SLC38A9: variants seen among roughly 807,000 people sequenced by gnomAD.
The protein encoded by SLC38A9 is neutral amino acid transporter 9.
SLC38A9 carries 48 observed loss-of-function variants against 62.3 expected under a neutral mutation model. The ratio of observed to expected loss-of-function variants is 0.77; its 90% CI spans 0.61 to 0.98. SLC38A9 has a LOEUF of 0.98. SLC38A9 is among the 50% of genes least tolerant of loss of function. The probability of loss-of-function intolerance (pLI) is 0.00; values close to 1 mark genes in which losing one functional copy is unlikely to be tolerated. For synonymous variants in SLC38A9, 204 were observed against 227.7 expected (o/e 0.90, Z 0.94); for missense variants, 541 against 679.8 (o/e 0.80, Z 2.27).
intron 7 of SLC38A9, among the ~76,000 whole-genome samples, chr5:55,668,178 A>G (rs1007537647): frequency 2.9e-5 from 3 of 101,734 alleles, no homozygotes; most frequent in African/African-American, 9.3e-5. Context: ...TCCAAAAAAA[A>G]GGAAAATAAA....
At chr5:55,696,571 G>A (rs1755754135) in intron 3 of SLC38A9, 1 of 62,822 alleles carries the variant, frequency 1.6e-5, no homozygotes, top group Non-Finnish European at 3.9e-5. Flanking sequence ...CCGGGCGGGG[G>A]GCTGACCCCC....
chr5:55,648,089 A>G (rs1301716333), intron 11 of SLC38A9, among the ~76,000 whole-genome samples: 2 of 152,032 alleles, frequency 1.3e-5, no homozygotes, highest in Admixed American at 1.3e-4. Context: ...AAAATACAAA[A>G]TTAGCCGGGC....
chr5:55,670,118 C>T (rs1437163163), intron 4 of SLC38A9, among the ~76,000 whole-genome samples: 2 of 152,114 alleles, frequency 1.3e-5, no homozygotes, highest in Non-Finnish European at 2.9e-5. Flanking sequence ...GTGCCCACCA[C>T]CACGCCTGGC....
At chr5:55,711,293 G>GAAA (rs11404858) in intron 2 of SLC38A9, 159 bp downstream of exon 2, 18 of 145,522 alleles carry the variant, frequency 1.2e-4, no homozygotes, top group Non-Finnish European at 2.2e-4. Context: ...ACTCTTGTCT[G>GAAA]AAAAAAAAAA....
chr5:55,639,066 C>T (rs1744953885), intron 12 of SLC38A9, among the ~76,000 whole-genome samples: 1 of 151,692 alleles, frequency 6.6e-6, no homozygotes, highest in Non-Finnish European at 1.5e-5. Flanking sequence ...GCCTGTAATC[C>T]CAACACTTTG....
chr5:55,669,358 T>C (rs1750930899), intron 6 of SLC38A9, 37 bp from the exon 7 acceptor site: 4 of 1,527,894 alleles, frequency 2.6e-6, no homozygotes. Flanking sequence ...GCATATATCA[T>C]CATGTAAGCA....
chr5:55,705,805 T>C (rs1757222454), intron 2 of SLC38A9, among the ~76,000 whole-genome samples: 1 of 152,004 alleles, frequency 6.6e-6, no homozygotes, highest in Non-Finnish European at 1.5e-5. Context: ...CCTCCCCATT[T>C]CAAGCAATTC....
chr5:55,628,705 T>C (rs1160595842), intron 14 of SLC38A9, among the ~76,000 whole-genome samples: 2 of 152,218 alleles, frequency 1.3e-5, no homozygotes, highest in Admixed American at 1.3e-4. Context: ...TCATACTTCA[T>C]ACTTTGACCA....
In SLC38A9 at chr5:55,660,556, T is replaced by C. The variant is rs941813157; in HGVS notation, c.698-3782A>G. Among the ~76,000 whole-genome samples, 3 of 152,248 alleles carry C rather than the reference T, an allele frequency of 2.0e-5. No individual in the cohort carries two copies. The East Asian group carries it at 5.8e-4, about 29-fold the overall frequency. On this transcript the variant is annotated intron_variant, in intron 8 of 15. Transcript: ENST00000396865. Reference sequence around the variant, plus strand: ...GGAGGTGTATAGATGTATGTATGTATAATTAAGACTTGTTTATTTCAATGA... The same window carrying C: ...GGAGGTGTATAGATGTATGTATGTACAATTAAGACTTGTTTATTTCAATGA...
At chr5:55,677,421 T>C (rs1165702715) in intron 3 of SLC38A9, among the ~76,000 whole-genome samples, 6 of 152,212 alleles carry the variant, frequency 3.9e-5, no homozygotes, top group African/African-American at 1.4e-4. Flanking sequence ...TCTCAAGTAA[T>C]CAGTCCAGAA....
intron 3 of SLC38A9, among the ~76,000 whole-genome samples, chr5:55,687,872 T>C (rs1028715233): frequency 6.6e-6 from 1 of 152,064 alleles, no homozygotes. Flanking sequence ...TAATTTTTTG[T>C]ATTTTTAGTA....
At chr5:55,680,869 G>C (rs1036959648) in intron 3 of SLC38A9, among the ~76,000 whole-genome samples, 2 of 152,230 alleles carry the variant, frequency 1.3e-5, no homozygotes, top group Non-Finnish European at 1.5e-5. Flanking sequence ...AGCCTGATCA[G>C]AATCTATTGC....
intron 12 of SLC38A9, among the ~76,000 whole-genome samples, chr5:55,643,400 T>C (rs911845084): frequency 3.3e-5 from 5 of 152,254 alleles, no homozygotes; most frequent in African/African-American, 7.2e-5. Flanking sequence ...GAACATACTC[T>C]GTATGATTTA....
intron 3 of SLC38A9, among the ~76,000 whole-genome samples, chr5:55,687,467 G>A (rs1460245538): frequency 6.8e-6 from 1 of 146,748 alleles, no homozygotes; most frequent in Non-Finnish European, 1.5e-5. Flanking sequence ...TTCTAGTTCT[G>A]TGAAGAATGT....
Position 55,656,746 on chromosome 5 carries a change from GT to G in SLC38A9, c.725del (p.Asp242AlafsTer4). The stretch of plus-strand genomic sequence containing the variant: ...TGCTATTATTGGTACTCAGTATAGT[GT>G]CTGTGTCATTAATGTGATGAATAAA... ...FNFIHHINDTDTILSTNNSNP... is the reference protein window; with the variant it reads ...FNFIHHINDTXTILSTNNSNP... On this transcript the variant is annotated frameshift_variant, in exon 9 of 16. Transcript: ENST00000396865. LOFTEE classifies it high-confidence loss of function. 1 of 1,591,268 alleles carries G rather than the reference GT, an allele frequency of 6.3e-7. No homozygotes were observed. The highest frequency in any genetic ancestry group is 8.6e-7 in the Non-Finnish European group (1 of 1,164,312).
At chr5:55,702,794 G>A (rs3910966) in intron 2 of SLC38A9, 91,175 of 151,814 alleles carry the variant, frequency 0.6, 27,927 homozygotes, top group South Asian at 0.7. Context: ...CCAAATATGT[G>A]CATTTTCTTT....
chr5:55,663,015 C>T (rs759683181), intron 8 of SLC38A9, among the ~76,000 whole-genome samples: 30 of 151,826 alleles, frequency 2.0e-4, no homozygotes, highest in Middle Eastern at 3.4e-3. Flanking sequence ...GTGCCTCAGG[C>T]TCCCGAGTAG....
At chr5:55,700,678 C>A (rs1357416756) in intron 2 of SLC38A9, among the ~76,000 whole-genome samples, 1 of 152,186 alleles carries the variant, frequency 6.6e-6, no homozygotes, top group Non-Finnish European at 1.5e-5. Context: ...ATCATGATAT[C>A]TTTCCTATCA....
At chr5:55,644,343 CTATTTGTCACT>C (rs1561322406) in intron 12 of SLC38A9, among the ~76,000 whole-genome samples, 2 of 26,798 alleles carry the variant, frequency 7.5e-5, no homozygotes, top group African/African-American at 1.7e-4. Flanking sequence ...TATTTGTTTT[CTATTTGTCACT>C]ATTTGTTTTC....
Sources: gnomAD v4.1 joint callset for allele counts (sites outside exome capture counted in the v4.1 genomes callset) on GRCh38, gnomAD v4.1.1 for gene constraint, MANE v1.5 for transcripts, NCBI Gene and HGNC (gene_info 2026-07-23, HGNC 2026-07-21) for gene names.